RRP12: variants seen among roughly 807,000 people sequenced by gnomAD.
The protein encoded by RRP12 is RRP12-like protein.
RRP12 carries 78 observed loss-of-function variants against 157.3 expected under a neutral mutation model. The observed-to-expected ratio is 0.50, with a 90% CI of 0.41 to 0.60. The LOEUF is 0.60. Among genes scored for constraint, RRP12 ranks in the 20% least tolerant of loss-of-function variants. The probability of loss-of-function intolerance (pLI) is 0.00; values close to 1 mark genes in which losing one functional copy is unlikely to be tolerated. For missense variants in RRP12, 1,521 were observed against 1,679.9 expected, an observed-to-expected ratio of 0.91 and a Z score of 1.65; for synonymous variants, 726 against 670.9, an observed-to-expected ratio of 1.08 and a Z score of -1.27.
Position 97,370,227 on chromosome 10 carries a change from C to T in RRP12, c.2737G>A (p.Ala913Thr), listed in dbSNP as rs554015140. The T allele has an allele frequency of 6.4e-5, 103 of 1,606,204 alleles. No individual in the cohort carries two copies. Among genetic ancestry groups the T allele is most frequent in the African/African-American group, 9.3e-5 (7 of 74,974 alleles). The change falls in exon 24 of 34, where the codon GCG (alanine) becomes ACG (threonine). Residue 913 changes from alanine (A) to threonine (T), a missense_variant. Ala to Thr is a moderately conservative substitution (Grantham distance 58). Transcript: ENST00000370992. ...ATGCTGCAGCTGACCATGGTCACCGCGCCCACCAGGCCAGGGTAGATCAGG... is the reference window on the plus strand; with the variant it reads ...ATGCTGCAGCTGACCATGGTCACCGTGCCCACCAGGCCAGGGTAGATCAGG... ...LVLIYPGLVG[A>T]VTMVSCSILA...
chr10:97,397,650 G>T (rs1354032412), intron 2 of RRP12, among the ~76,000 whole-genome samples: 1 of 151,670 alleles, frequency 6.6e-6, no homozygotes, highest in East Asian at 1.9e-4. Context: ...AAAAGTTGCA[G>T]AACAGTGGAT....
At chr10:97,374,051 C>G (rs942692947) in intron 15 of RRP12, among the ~76,000 whole-genome samples, 157 bp from the exon 16 acceptor site, 3 of 152,230 alleles carry the variant, frequency 2.0e-5, no homozygotes, top group Admixed American at 1.3e-4. Flanking sequence ...TTCTAAAATA[C>G]TCAAATGAAC....
chr10:97,363,371 C>T (rs1843891158), intron 30 of RRP12, among the ~76,000 whole-genome samples: 1 of 152,176 alleles, frequency 6.6e-6, no homozygotes, highest in Admixed American at 6.5e-5. Context: ...AATTCCTGGG[C>T]TTAGGAGACT....
intron 20 of RRP12, chr10:97,371,485 CT>C: frequency 4.4e-6 from 1 of 226,856 alleles, no homozygotes; most frequent in Non-Finnish European, 8.8e-6. Context: ...CGCCGGACAC[CT>C]TTCCTGAGGT....
At chr10:97,372,659 C>T in intron 19 of RRP12, 77 bp downstream of exon 19, 2 of 1,147,872 alleles carry the variant, frequency 1.7e-6, no homozygotes, top group Non-Finnish European at 2.6e-6. Context: ...AAGAGGGAAC[C>T]CACAGTGCTT....
At chr10:97,357,835 T>C (rs905169738) in intron 33 of RRP12, among the ~76,000 whole-genome samples, 1 of 151,860 alleles carries the variant, frequency 6.6e-6, no homozygotes, top group Non-Finnish European at 1.5e-5. Context: ...GGCGGGTGCC[T>C]GTAGTCCCAG....
chr10:97,395,723 C>T (rs1437071831), intron 3 of RRP12, among the ~76,000 whole-genome samples: 1 of 151,648 alleles, frequency 6.6e-6, no homozygotes, highest in African/African-American at 2.4e-5. Context: ...TGGTGGTGTG[C>T]ACCTGTAATC....
chr10:97,387,314 C>T (rs1457953600), intron 8 of RRP12, among the ~76,000 whole-genome samples: 1 of 150,136 alleles, frequency 6.7e-6, no homozygotes, highest in Non-Finnish European at 1.5e-5. Flanking sequence ...TTTTCTTTTT[C>T]TTTCCTTTTT....
intron 25 of RRP12, among the ~76,000 whole-genome samples, 166 bp downstream of exon 25, chr10:97,369,259 C>T (rs1020542195): frequency 3.3e-5 from 5 of 152,212 alleles, no homozygotes; most frequent in African/African-American, 9.6e-5. Flanking sequence ...GCCCCCTCCT[C>T]GCCTCCACCT....
At chr10:97,363,737 G>A (rs1843901387) in intron 30 of RRP12, 117 bp downstream of exon 30, 1 of 921,514 alleles carries the variant, frequency 1.1e-6, no homozygotes. Context: ...CTGTGAGGAT[G>A]CACCGAGCAT....
At chr10:97,368,631 T>G (rs1479867614) in intron 25 of RRP12, among the ~76,000 whole-genome samples, 2 of 152,250 alleles carry the variant, frequency 1.3e-5, no homozygotes, top group African/African-American at 2.4e-5. Context: ...GTGGTGGGGT[T>G]ACAGGTGTGA....
chr10:97,392,566 C>G (rs1844838261), intron 4 of RRP12, among the ~76,000 whole-genome samples: 1 of 151,466 alleles, frequency 6.6e-6, no homozygotes, highest in Non-Finnish European at 1.5e-5. Context: ...CCAGGCTGGT[C>G]TCCAACTCCT....
Position 97,391,784 on chromosome 10 carries a change from G to T in RRP12, c.531-940C>A, listed in dbSNP as rs540116824. ...AAAATACAAACAATTAGCCAGACGTGGTGGCGGGCGCCTGTAGTCCCAGCT... is the reference window on the plus strand; with the variant it reads ...AAAATACAAACAATTAGCCAGACGTTGTGGCGGGCGCCTGTAGTCCCAGCT... On this transcript the variant is annotated intron_variant, in intron 4 of 33. Transcript: ENST00000370992. 1.7e-3 allele frequency among the ~76,000 whole-genome samples: 253 copies of T among 152,064 alleles called. 1 individual carries two copies. Among genetic ancestry groups the T allele is most frequent in the African/African-American group, 5.6e-3 (232 of 41,496 alleles).
Position 97,381,714 on chromosome 10 carries a change from C to T in RRP12, c.1320+1G>A. The T allele has an allele frequency of 6.2e-7, 1 of 1,611,716 alleles. No homozygotes were observed. The highest frequency in any genetic ancestry group is 8.5e-7 in the Non-Finnish European group (1 of 1,177,776). On this transcript the variant is annotated splice_donor_variant, in intron 11 of 33. Coordinates refer to ENST00000370992, the MANE Select transcript of RRP12 (RefSeq NM_015179.4). LOFTEE classifies it high-confidence loss of function. ...TGCTTCCTCAGCTAAAGTTGCAGTA[C>T]CTTGAGGCTCTGCGTAGCAGCAGTC...
chr10:97,363,786 G>A, intron 30 of RRP12, 68 bp downstream of exon 30: 1 of 1,344,142 alleles, frequency 7.4e-7, no homozygotes, highest in East Asian at 2.3e-5. Flanking sequence ...CGTGTGGTGG[G>A]GGTGAGAAGC....
intron 10 of RRP12, 26 bp downstream of exon 10, chr10:97,385,140 C>T: frequency 6.4e-7 from 1 of 1,563,546 alleles, no homozygotes; most frequent in Non-Finnish European, 8.8e-7. Context: ...GGACAGAGGC[C>T]CTAAGCACCC....
chr10:97,390,938 G>A (rs554012953), intron 4 of RRP12, 94 bp from the exon 5 acceptor site: 21 of 811,356 alleles, frequency 2.6e-5, no homozygotes, highest in South Asian at 1.8e-4. Context: ...GGCAAGGGGC[G>A]CTGGTGGCAC....
intron 25 of RRP12, 75 bp from the exon 26 acceptor site, chr10:97,367,207 G>C: frequency 7.7e-7 from 1 of 1,294,828 alleles, no homozygotes. Context: ...GTCCAGCCCA[G>C]GGACGCAGCA....
chr10:97,356,947 A>G lies in RRP12; in HGVS notation c.*147T>C. ...ATTCCATTTGGAGTTTCCAAAATCC[A>G]GGACTTCTGAGAGCCAAGCCCTAGT... On this transcript the variant is annotated 3_prime_UTR_variant, in exon 34 of 34. Coordinates refer to ENST00000370992, the MANE Select transcript of RRP12 (RefSeq NM_015179.4). 1.7e-6 allele frequency: 1 copy of G among 573,034 alleles called. No homozygotes were observed. Among genetic ancestry groups the G allele is most frequent in the Non-Finnish European group, 3.1e-6 (1 of 323,450 alleles). The allele number at this position is 573,034 out of a possible 1,614,324, so 35.5% of individuals were successfully genotyped here.
Sources: allele counts gnomAD v4.1 joint callset (sites outside exome capture counted in the v4.1 genomes callset), GRCh38; gene constraint gnomAD v4.1.1; transcripts MANE v1.5; gene names NCBI Gene and HGNC (gene_info 2026-07-23, HGNC 2026-07-21).